The following STX3 variants were observed in gnomAD, a reference collection of about 807,000 sequenced individuals.
The protein encoded by STX3 is syntaxin 3.
STX3 carries 19 observed loss-of-function variants against 40.2 expected under a neutral mutation model. The ratio of observed to expected loss-of-function variants is 0.47; its 90% confidence interval spans 0.33 to 0.69. The LOEUF is 0.69. Ranked by LOEUF, STX3 falls within the 30% of genes least tolerant of loss-of-function variation. STX3 has a pLI of 0.02. For synonymous variants in STX3, 122 were observed against 132.2 expected (o/e 0.92, Z 0.53); for missense variants, 364 against 366.7 (o/e 0.99, Z 0.06).
At chr11:59,796,877 G>A (rs756185946) in intron 9 of STX3, among the ~76,000 whole-genome samples, 2 of 152,160 alleles carry the variant, frequency 1.3e-5, no homozygotes, top group East Asian at 1.9e-4. Flanking sequence ...TTGGGAGGCC[G>A]AGGTGAGAGG....
At chr11:59,763,016 C>T (rs1054756848) in intron 1 of STX3, among the ~76,000 whole-genome samples, 8 of 152,184 alleles carry the variant, frequency 5.3e-5, no homozygotes, top group African/African-American at 1.9e-4. Context: ...TGCGTCTTCT[C>T]TTGGGTGTGT....
At chr11:59,764,103 G>T (rs78652754) in intron 1 of STX3, among the ~76,000 whole-genome samples, 5,996 of 152,234 alleles carry the variant, frequency 0.039, 172 homozygotes, top group Middle Eastern at 0.058. Context: ...TTGAGAGGGA[G>T]CTCTGTTTCT....
At chr11:59,755,795 C>G (rs1370576795) in intron 1 of STX3, among the ~76,000 whole-genome samples, 160 bp downstream of exon 1, 1 of 152,258 alleles carries the variant, frequency 6.6e-6, no homozygotes, top group African/African-American at 2.4e-5. Flanking sequence ...CCTCCCCTCC[C>G]CTCCCCTGCG....
intron 2 of STX3, chr11:59,781,457 G>A: frequency 6.2e-7 from 1 of 1,613,070 alleles, no homozygotes; most frequent in Non-Finnish European, 8.5e-7. Context: ...CATCTGTAAA[G>A]TTGCAGACAG....
chr11:59,793,079 C>G lies in STX3; in HGVS notation c.467-20C>G. 3 of 1,612,158 alleles carry G rather than the reference C, an allele frequency of 1.9e-6. No individual in the cohort carries two copies. Among genetic ancestry groups the G allele is most frequent in the South Asian group, 1.1e-5 (1 of 90,500 alleles). On this transcript the variant is annotated intron_variant, in intron 6 of 10. Transcript: ENST00000337979. ...TCACCGTGATCTTATATTTGACGCT[C>G]TACTTCTTTTGTTACAAAGCTGGCA...
chr11:59,799,255 T>A (rs922399824), intron 10 of STX3, among the ~76,000 whole-genome samples: 1 of 152,202 alleles, frequency 6.6e-6, no homozygotes. Flanking sequence ...ACCTATAAAA[T>A]ACAGAAAACA....
chr11:59,771,911 C>G (rs1255654096), intron 1 of STX3, among the ~76,000 whole-genome samples: 1 of 152,160 alleles, frequency 6.6e-6, no homozygotes, highest in Non-Finnish European at 1.5e-5. Context: ...AAATTCGACT[C>G]CCTTGAATGT....
intron 2 of STX3, among the ~76,000 whole-genome samples, chr11:59,782,671 A>G (rs1392438588): frequency 6.6e-6 from 1 of 152,052 alleles, no homozygotes; most frequent in East Asian, 1.9e-4. Flanking sequence ...TATTATCTGG[A>G]TTCCCGTATT....
rs1171161964 is a variant in STX3, at chr11:59,787,103, A to G, written c.181A>G (p.Ser61Gly). The change falls in exon 3 of 11, where the codon AGT becomes GGT. Residue 61 changes from serine to glycine, a missense_variant. By Grantham distance (56) the Ser-to-Gly change is moderately conservative. Coordinates refer to ENST00000337979, the MANE Select transcript of STX3 (RefSeq NM_004177.5). Reference protein sequence around the residue: ...EHVEEAKKLYSIILSAPIPEP... With the variant: ...EHVEEAKKLYGIILSAPIPEP... ...TGTAGAGGAGGCTAAGAAACTCTAC[A>G]GTATCATTCTCTCTGCACCGATTCC... is the stretch of plus-strand genomic sequence containing the variant. 3 of 1,614,092 alleles carry G rather than the reference A, an allele frequency of 1.9e-6. No individual in the cohort carries two copies. Among genetic ancestry groups the G allele is most frequent in the African/African-American group, 2.7e-5 (2 of 74,944 alleles).
At chr11:59,785,687 T>C (rs1407456737) in intron 2 of STX3, among the ~76,000 whole-genome samples, 1 of 152,202 alleles carries the variant, frequency 6.6e-6, no homozygotes, top group African/African-American at 2.4e-5. Context: ...AAAGGTGAAG[T>C]GTCCACAGGA....
intron 2 of STX3, among the ~76,000 whole-genome samples, chr11:59,779,682 G>A (rs1864226976): frequency 6.6e-6 from 1 of 152,138 alleles, no homozygotes; most frequent in Non-Finnish European, 1.5e-5. Flanking sequence ...TGAGCAACAC[G>A]TGGTCCTAGT....
intron 9 of STX3, 42 bp downstream of exon 9, chr11:59,795,524 G>A: frequency 1.3e-6 from 2 of 1,579,916 alleles, no homozygotes; most frequent in Non-Finnish European, 1.7e-6. Context: ...AGTCCATTTT[G>A]TTTGCTGTGT....
rs1241424006 is a variant in STX3 at position 59,786,369 on chromosome 11, A to G, written c.115-668A>G. Among the ~76,000 whole-genome samples the G allele has an allele frequency of 2.8e-5, 4 of 143,520 alleles. No homozygotes were observed. In the East Asian group the frequency reaches 6.1e-4, roughly 22 times the overall value. 94.2% of individuals were successfully genotyped at this position (143,520 alleles called of 152,430 possible). On this transcript the variant is annotated intron_variant, in intron 2 of 10. Transcript: ENST00000337979. ...ATTCTCCTGCCTCAGCCTCCCGAGTAGCTGGTACTACAGGCGCCCACCATC... is the reference window on the plus strand; with the variant it reads ...ATTCTCCTGCCTCAGCCTCCCGAGTGGCTGGTACTACAGGCGCCCACCATC...
intron 1 of STX3, among the ~76,000 whole-genome samples, chr11:59,767,551 T>C (rs1316921860): frequency 7.9e-5 from 12 of 152,104 alleles, no homozygotes; most frequent in Non-Finnish European, 5.9e-5. Context: ...TACCCTGAGA[T>C]TGGTTGAGCT....
intron 2 of STX3, among the ~76,000 whole-genome samples, chr11:59,779,947 T>C (rs1565176371): frequency 6.6e-6 from 1 of 152,234 alleles, no homozygotes; most frequent in African/African-American, 2.4e-5. Flanking sequence ...ATTCTTTAAG[T>C]AGAATATTGG....
intron 2 of STX3, among the ~76,000 whole-genome samples, chr11:59,781,098 T>TATA (rs1459085218): frequency 7.1e-6 from 1 of 141,440 alleles, no homozygotes; most frequent in Non-Finnish European, 1.5e-5. Flanking sequence ...TTTTTTTTTT[T>TATA]TTTATATTAG....
intron 8 of STX3, 50 bp from the exon 9 acceptor site, chr11:59,795,322 G>C (rs1865445656): frequency 5.3e-6 from 8 of 1,496,854 alleles, no homozygotes; most frequent in Non-Finnish European, 7.4e-6. Flanking sequence ...GCATTGGCTA[G>C]GACTGACCTG....
chr11:59,761,824 T>C (rs958233301), intron 1 of STX3, among the ~76,000 whole-genome samples: 8 of 152,144 alleles, frequency 5.3e-5, no homozygotes, highest in African/African-American at 1.9e-4. Flanking sequence ...CAGGGTTTTT[T>C]TTTTTTTAAT....
chr11:59,783,689 G>T (rs1205141751), intron 2 of STX3, among the ~76,000 whole-genome samples: 1 of 152,044 alleles, frequency 6.6e-6, no homozygotes, highest in Admixed American at 6.6e-5. Flanking sequence ...ATGCACAAAA[G>T]GAAACCACAT....
Sources: gnomAD v4.1 joint callset for allele counts (sites outside exome capture counted in the v4.1 genomes callset) on GRCh38, gnomAD v4.1.1 for gene constraint, MANE v1.5 for transcripts, NCBI Gene and HGNC (gene_info 2026-07-23, HGNC 2026-07-21) for gene names.